PDE4B: variants seen among roughly 807,000 people sequenced by gnomAD.
PDE4B encodes phosphodiesterase 4B.
A neutral mutation model predicts 82.2 loss-of-function variants in PDE4B; 20 were observed. That is an observed-to-expected ratio of 0.24 (90% CI 0.17 to 0.35). The LOEUF (loss-of-function observed/expected upper bound fraction) is 0.35. PDE4B is among the 10% of genes least tolerant of loss of function. The probability of loss-of-function intolerance (pLI) is 1.00; values close to 1 mark genes in which losing one functional copy is unlikely to be tolerated. For missense variants in PDE4B, 655 were observed against 907.2 expected (o/e 0.72, Z 3.57); for synonymous variants, 320 against 318.9 (o/e 1.00, Z -0.04).
intron 1 of PDE4B, among the ~76,000 whole-genome samples, chr1:65,904,614 T>G (rs1300182653): frequency 6.6e-6 from 1 of 152,172 alleles, no homozygotes; most frequent in Non-Finnish European, 1.5e-5. Flanking sequence ...ATCCTGTTTC[T>G]TGGCCCTGAC....
At chr1:65,895,291 T>C (rs1159719090) in intron 1 of PDE4B, among the ~76,000 whole-genome samples, 1 of 152,096 alleles carries the variant, frequency 6.6e-6, no homozygotes, top group African/African-American at 2.4e-5. Context: ...GGCTCACACC[T>C]GTAATACCAG....
intron 1 of PDE4B, among the ~76,000 whole-genome samples, chr1:65,884,117 T>C (rs1176182462): frequency 6.6e-6 from 1 of 152,138 alleles, no homozygotes; most frequent in Non-Finnish European, 1.5e-5. Context: ...TCTAAAATTC[T>C]CTTTTTTGGT....
intron 3 of PDE4B, among the ~76,000 whole-genome samples, chr1:66,203,412 A>C (rs540064319): frequency 2.6e-5 from 4 of 152,314 alleles, no homozygotes; most frequent in African/African-American, 9.6e-5. Flanking sequence ...AGATTGGGGA[A>C]GTTCTCCTGG....
chr1:66,169,283 G>A (rs895345323), intron 3 of PDE4B, among the ~76,000 whole-genome samples: 6 of 152,176 alleles, frequency 3.9e-5, no homozygotes, highest in African/African-American at 1.4e-4. Flanking sequence ...TGGCCTTTAA[G>A]TGCTATTGTA....
chr1:65,936,988 C>G (rs1648185604), intron 3 of PDE4B, among the ~76,000 whole-genome samples: 1 of 152,174 alleles, frequency 6.6e-6, no homozygotes, highest in African/African-American at 2.4e-5. Context: ...CTCATTTTCA[C>G]TTGTGTAGGA....
At chr1:65,993,682 A>C (rs1191517253) in intron 3 of PDE4B, among the ~76,000 whole-genome samples, 1 of 152,166 alleles carries the variant, frequency 6.6e-6, no homozygotes, top group Non-Finnish European at 1.5e-5. Flanking sequence ...GGGAAAACTA[A>C]GTTCCCACTT....
At chr1:65,846,648 G>T (rs1426496787) in intron 1 of PDE4B, among the ~76,000 whole-genome samples, 1 of 152,164 alleles carries the variant, frequency 6.6e-6, no homozygotes, top group Non-Finnish European at 1.5e-5. Flanking sequence ...TTTGGATATT[G>T]TTGCCTACAT....
chr1:65,880,895 T>C (rs930466461), intron 1 of PDE4B, among the ~76,000 whole-genome samples: 3 of 152,154 alleles, frequency 2.0e-5, no homozygotes, highest in African/African-American at 7.2e-5. Context: ...TTACCTCTCT[T>C]TCTCCTTCCT....
chr1:65,834,434 A>T (rs1365967882), intron 1 of PDE4B, among the ~76,000 whole-genome samples: 2 of 152,220 alleles, frequency 1.3e-5, no homozygotes, highest in Non-Finnish European at 2.9e-5. Flanking sequence ...GTAAAACTTA[A>T]ATGCATGTCA....
intron 1 of PDE4B, among the ~76,000 whole-genome samples, chr1:65,817,607 G>A (rs1010505218): frequency 1.3e-4 from 20 of 152,036 alleles, no homozygotes; most frequent in Middle Eastern, 3.4e-3. Flanking sequence ...ATCTAAATTC[G>A]TTGTTTGGTT....
intron 3 of PDE4B, among the ~76,000 whole-genome samples, chr1:65,966,227 A>G (rs886687565): frequency 2.0e-5 from 3 of 152,306 alleles, no homozygotes; most frequent in Admixed American, 6.5e-5. Context: ...AATGTGCAAA[A>G]ATCACAAGCA....
At chr1:66,028,406 G>A (rs1036819117) in intron 3 of PDE4B, among the ~76,000 whole-genome samples, 1 of 152,090 alleles carries the variant, frequency 6.6e-6, no homozygotes, top group African/African-American at 2.4e-5. Flanking sequence ...CTCAAGGCCT[G>A]TGATGGGAGG....
intron 13 of PDE4B, among the ~76,000 whole-genome samples, chr1:66,366,384 T>C (rs943662196): frequency 6.6e-6 from 1 of 152,204 alleles, no homozygotes; most frequent in Non-Finnish European, 1.5e-5. Context: ...GCTTTTGTCA[T>C]GCTTAAAATG....
intron 3 of PDE4B, among the ~76,000 whole-genome samples, chr1:66,066,519 CTATTG>C (rs1655857218): frequency 6.6e-6 from 1 of 151,830 alleles, no homozygotes; most frequent in African/African-American, 2.4e-5. Flanking sequence ...AGCACCGGCT[CTATTG>C]AAATGTTAAT....
chr1:66,359,387 A>G (rs1662570326), intron 9 of PDE4B, among the ~76,000 whole-genome samples: 1 of 152,174 alleles, frequency 6.6e-6, no homozygotes, highest in Non-Finnish European at 1.5e-5. Flanking sequence ...CTCAGTGTTT[A>G]TTGTGATTTT....
At chr1:65,803,385 T>C (rs1432909953) in intron 1 of PDE4B, among the ~76,000 whole-genome samples, 1 of 152,212 alleles carries the variant, frequency 6.6e-6, no homozygotes, top group Non-Finnish European at 1.5e-5. Context: ...ATTATTAATG[T>C]GTAAAGAAGA....
chr1:65,819,073 C>T lies in PDE4B; in HGVS notation c.-71+25825C>T, dbSNP rs527621967. On this transcript the variant is annotated intron_variant, in intron 1 of 16. Coordinates refer to ENST00000341517, the MANE Select transcript of PDE4B (RefSeq NM_002600.4). ...AAAACAGCTGCTACCTTGAACATTG[C>T]CAATTGCCATAGCAGAAGGAGAAGG... 3.3e-5 allele frequency among the ~76,000 whole-genome samples: 5 copies of T among 152,150 alleles called. No individual in the cohort carries two copies. In the South Asian group the frequency reaches 1.0e-3, roughly 32 times the overall value.
At chr1:65,831,786 T>C (rs1006703401) in intron 1 of PDE4B, among the ~76,000 whole-genome samples, 12 of 152,174 alleles carry the variant, frequency 7.9e-5, no homozygotes, top group African/African-American at 2.9e-4. Context: ...GCAAATCAAA[T>C]TCAGCAATAT....
At chr1:66,139,931 T>C (rs1337651291) in intron 3 of PDE4B, among the ~76,000 whole-genome samples, 2 of 152,168 alleles carry the variant, frequency 1.3e-5, no homozygotes, top group Admixed American at 6.5e-5. Context: ...CTATATGAGG[T>C]ACTTAGTAAA....
Sources: gnomAD v4.1 joint callset for allele counts (sites outside exome capture counted in the v4.1 genomes callset) on GRCh38, gnomAD v4.1.1 for gene constraint, MANE v1.5 for transcripts, NCBI Gene and HGNC (gene_info 2026-07-23, HGNC 2026-07-21) for gene names.